The following FANCC variants were observed in gnomAD, a reference collection of about 807,000 sequenced individuals.
FANCC encodes the protein Fanconi anemia group C protein.
Under a neutral mutation model 71.3 loss-of-function variants are expected in FANCC, and 55 were observed. That is an observed-to-expected ratio of 0.77 (90% CI 0.62 to 0.97). The LOEUF is 0.97. Among genes scored for constraint, FANCC ranks in the 50% least tolerant of loss-of-function variants. FANCC has a pLI of 0.00. For missense variants in FANCC, 678 were observed against 670.9 expected (o/e 1.01, Z -0.12); for synonymous variants, 275 against 244.9 (o/e 1.12, Z -1.15).
In FANCC at chr9:95,249,323, A is replaced by T; in HGVS notation, c.-32T>A. 1 of 1,609,396 alleles carries T rather than the reference A, an allele frequency of 6.2e-7. No individual in the cohort carries two copies. Among genetic ancestry groups the T allele is most frequent in the Non-Finnish European group, 8.5e-7 (1 of 1,176,384 alleles). ...AAAAGCGAAAAGGTGATGTCCCTTC[A>T]CAGCAGCCTGTCCAGCACTGAAGGA... On this transcript the variant is annotated 5_prime_UTR_variant, in exon 2 of 15. It introduces an in-frame stop codon into an upstream open reading frame of the 5' UTR. Transcript: ENST00000289081.
chr9:95,232,959 T>C (rs1830097425), intron 4 of FANCC, among the ~76,000 whole-genome samples: 1 of 152,174 alleles, frequency 6.6e-6, no homozygotes, highest in Non-Finnish European at 1.5e-5. Flanking sequence ...CTGAATCTCA[T>C]CAGCCTTGAC....
intron 1 of FANCC, among the ~76,000 whole-genome samples, chr9:95,300,695 G>A (rs900344090): frequency 2.0e-5 from 3 of 152,088 alleles, no homozygotes; most frequent in African/African-American, 7.2e-5. Context: ...CAGGACAACT[G>A]ACAATTTTAA....
At chr9:95,140,239 A>G (rs1828432499) in intron 7 of FANCC, among the ~76,000 whole-genome samples, 2 of 152,258 alleles carry the variant, frequency 1.3e-5, no homozygotes, top group South Asian at 4.2e-4. Flanking sequence ...TCTGATTTAC[A>G]GTGACAGCGT....
At chr9:95,282,597 T>C (rs1323164361) in intron 1 of FANCC, among the ~76,000 whole-genome samples, 2 of 152,116 alleles carry the variant, frequency 1.3e-5, no homozygotes, top group Non-Finnish European at 2.9e-5. Context: ...TAACAAACAT[T>C]TACAGAACAT....
At chr9:95,317,479 C>T (rs2136456786) in intron 1 of FANCC, 47 bp downstream of exon 1, 1 of 152,472 alleles carries the variant, frequency 6.6e-6, no homozygotes, top group Admixed American at 6.5e-5. Flanking sequence ...GGCCAGACCC[C>T]CGAGGGAAGC....
chr9:95,172,147 C>A lies in FANCC; in HGVS notation c.346G>T (p.Gly116Cys). 1 of 1,589,732 alleles carries A rather than the reference C, an allele frequency of 6.3e-7. No homozygotes were observed. The highest frequency in any genetic ancestry group is 8.6e-7 in the Non-Finnish European group (1 of 1,159,666). ...GCTGAAAGTATATGAGATAATACAC[C>A]CTAAAAAACATAAACAGAAAAAGTT... The part of the protein sequence containing the change: ...GQSKLNSWIQ[G>C]VLSHILSALR... The change falls in exon 5 of 15, where the codon GGT (glycine) becomes TGT (cysteine). Residue 116 changes from glycine to cysteine, a missense_variant and splice_region_variant. Transcript: ENST00000289081.
At chr9:95,205,729 T>C (rs530258395) in intron 4 of FANCC, among the ~76,000 whole-genome samples, 113 of 152,280 alleles carry the variant, frequency 7.4e-4, no homozygotes, top group African/African-American at 2.6e-3. Flanking sequence ...TTGCTTCTTT[T>C]ATCAATATTC....
At chr9:95,108,341 C>T (rs1035409114) in intron 13 of FANCC, among the ~76,000 whole-genome samples, 2 of 152,184 alleles carry the variant, frequency 1.3e-5, no homozygotes, top group African/African-American at 4.8e-5. Flanking sequence ...CCCAGCCTGC[C>T]GGGTCTGATG....
At chr9:95,129,610 G>A (rs943866151) in intron 8 of FANCC, among the ~76,000 whole-genome samples, 1 of 152,184 alleles carries the variant, frequency 6.6e-6, no homozygotes, top group African/African-American at 2.4e-5. Flanking sequence ...TAAACCTTTT[G>A]TGGTTTCCAT....
At chr9:95,201,093 A>G (rs1827777010) in intron 4 of FANCC, among the ~76,000 whole-genome samples, 1 of 152,248 alleles carries the variant, frequency 6.6e-6, no homozygotes, top group South Asian at 2.1e-4. Context: ...AAATACAATT[A>G]ACAAAAGAGA....
intron 1 of FANCC, among the ~76,000 whole-genome samples, chr9:95,281,645 T>G (rs536808629): frequency 6.6e-6 from 1 of 152,252 alleles, no homozygotes; most frequent in African/African-American, 2.4e-5. Flanking sequence ...CTGAAGTCTC[T>G]AATACTGTAA....
chr9:95,173,049 A>G (rs1257358353), intron 4 of FANCC, among the ~76,000 whole-genome samples: 2 of 152,256 alleles, frequency 1.3e-5, no homozygotes, highest in African/African-American at 4.8e-5. Flanking sequence ...TAGATAATTC[A>G]TAAAATACAA....
At position 95,101,526 on chromosome 9, in the gene FANCC, G is replaced by C; in HGVS notation, c.*181C>G. The C allele has an allele frequency of 1.4e-6, 1 of 736,854 alleles. No homozygotes were observed. Among genetic ancestry groups the C allele is most frequent in the Non-Finnish European group, 2.3e-6 (1 of 443,078 alleles). 45.6% of individuals were successfully genotyped at this position (736,854 alleles called of 1,614,324 possible). ...ATGTCTGACTGAGTCTGGGCTGAGG[G>C]ACCTGGCTCTGCATTTTGTAAAATA... On this transcript the variant is annotated 3_prime_UTR_variant, in exon 15 of 15. Coordinates refer to ENST00000289081, the MANE Select transcript of FANCC (RefSeq NM_000136.3).
At chr9:95,292,131 TG>T (rs905231187) in intron 1 of FANCC, among the ~76,000 whole-genome samples, 32 of 148,708 alleles carry the variant, frequency 2.2e-4, no homozygotes, top group African/African-American at 6.6e-4. Flanking sequence ...CACAGACAAA[TG>T]GAACAGAAAA....
intron 1 of FANCC, chr9:95,317,142 C>T (rs1424314342): frequency 6.6e-6 from 1 of 152,450 alleles, no homozygotes; most frequent in Non-Finnish European, 1.5e-5. Flanking sequence ...TGCTCCTCTC[C>T]TTTGAAGAAG....
At chr9:95,122,208 AC>A (rs970225643) in intron 10 of FANCC, among the ~76,000 whole-genome samples, 5 of 152,174 alleles carry the variant, frequency 3.3e-5, no homozygotes, top group African/African-American at 1.2e-4. Context: ...AGGGAGGAGC[AC>A]GTGGATAGAC....
chr9:95,292,366 C>G (rs1834083364), intron 1 of FANCC: 4 of 988,296 alleles, frequency 4.0e-6, no homozygotes, highest in Non-Finnish European at 4.9e-6. Context: ...GTGGCGGCGG[C>G]GGGGTCCACG....
intron 4 of FANCC, among the ~76,000 whole-genome samples, chr9:95,180,993 C>T (rs531079014): frequency 1.3e-5 from 2 of 152,040 alleles, no homozygotes; most frequent in Non-Finnish European, 2.9e-5. Context: ...CTGCATTGCA[C>T]GAGCTGACTT....
chr9:95,123,101 A>G, intron 10 of FANCC, among the ~76,000 whole-genome samples: 1 of 152,140 alleles, frequency 6.6e-6, no homozygotes, highest in East Asian at 1.9e-4. Flanking sequence ...CAGCTGTTTG[A>G]GACCAGCCTG....
Sources: gnomAD v4.1 joint callset for allele counts (sites outside exome capture counted in the v4.1 genomes callset) on GRCh38, gnomAD v4.1.1 for gene constraint, MANE v1.5 for transcripts, NCBI Gene and HGNC (gene_info 2026-07-23, HGNC 2026-07-21) for gene names.